ADAMTS9: variants seen among roughly 807,000 people sequenced by gnomAD.
ADAMTS9 encodes ADAM metallopeptidase with thrombospondin type 1 motif 9.
Under a neutral mutation model 257.1 loss-of-function variants are expected in ADAMTS9, and 107 were observed. The ratio of observed to expected loss-of-function variants is 0.42; its 90% CI spans 0.36 to 0.49. ADAMTS9 has a LOEUF of 0.49. Among genes scored for constraint, ADAMTS9 ranks in the 20% least tolerant of loss-of-function variants. ADAMTS9 has a pLI of 0.03. For synonymous variants in ADAMTS9, 982 were observed against 880.9 expected, an observed-to-expected ratio of 1.11 and a Z score of -2.03; for missense variants, 2,353 against 2,469.1, an observed-to-expected ratio of 0.95 and a Z score of 1.00.
At chr3:64,661,299 G>A (rs1328075101) in intron 3 of ADAMTS9, among the ~76,000 whole-genome samples, 1 of 136,846 alleles carries the variant, frequency 7.3e-6, no homozygotes, top group Non-Finnish European at 1.5e-5. Flanking sequence ...ACTGGCATTT[G>A]TATACATATA....
At chr3:64,553,242 A>G (rs182830830) in intron 30 of ADAMTS9, among the ~76,000 whole-genome samples, 48 of 152,222 alleles carry the variant, frequency 3.2e-4, no homozygotes, top group Non-Finnish European at 4.4e-5. Context: ...AGCAAACACC[A>G]GTCTGCTTTC....
intron 16 of ADAMTS9, among the ~76,000 whole-genome samples, chr3:64,629,069 T>C (rs1342729178): frequency 6.6e-6 from 1 of 152,182 alleles, no homozygotes; most frequent in African/African-American, 2.4e-5. Context: ...TCACACACTA[T>C]GTTCAATCCA....
chr3:64,545,012 G>GCTC (rs373650653), intron 32 of ADAMTS9, among the ~76,000 whole-genome samples: 140,217 of 152,028 alleles, frequency 0.92, 65,178 homozygotes, highest in East Asian at 1. Flanking sequence ...ATGAAAAAAT[G>GCTC]CTCATCACTG....
Position 64,561,701 on chromosome 3 carries a change from C to G in ADAMTS9, c.4575G>C (p.Gln1525His). The change falls in exon 30 of 40, where the codon CAG (glutamine) becomes CAC (histidine). Residue 1525 changes from glutamine to histidine, a missense_variant. Coordinates refer to ENST00000498707, the MANE Select transcript of ADAMTS9 (RefSeq NM_182920.2). ...CTCTGGCTATTTTGTGTGTTCCGAT[C>G]TGACAGCCCACATGCCTCTGCTGTA... ...RGVQQRHVGCQIGTHKIARET... is the reference protein window; with the variant it reads ...RGVQQRHVGCHIGTHKIARET... The G allele has an allele frequency of 1.2e-6, 2 of 1,613,662 alleles. No individual in the cohort carries two copies. The highest frequency in any genetic ancestry group is 1.7e-6 in the Non-Finnish European group (2 of 1,179,956).
At position 64,656,918 on chromosome 3, in the gene ADAMTS9, A is replaced by G. The variant is rs186468761; in HGVS notation, c.970-1043T>C. Among the ~76,000 whole-genome samples, 3 of 149,520 alleles carry G rather than the reference A, an allele frequency of 2.0e-5. No individual in the cohort carries two copies. The East Asian group carries it at 6.0e-4, about 30-fold the overall frequency. On this transcript the variant is annotated intron_variant, in intron 4 of 39. Coordinates refer to ENST00000498707, the MANE Select transcript of ADAMTS9 (RefSeq NM_182920.2). ...CTTTTCACATTCATCTGGGGGATTT[A>G]TTAAAAATAAGTTTCAGTTCAGGTA...
At chr3:64,620,528 G>A (rs890925701) in intron 19 of ADAMTS9, among the ~76,000 whole-genome samples, 9 of 152,152 alleles carry the variant, frequency 5.9e-5, no homozygotes, top group African/African-American at 2.2e-4. Flanking sequence ...AGTCAACCTT[G>A]CAGGCAAATA....
intron 26 of ADAMTS9, among the ~76,000 whole-genome samples, chr3:64,601,735 A>T (rs2084465503): frequency 6.6e-6 from 1 of 152,146 alleles, no homozygotes; most frequent in Non-Finnish European, 1.5e-5. Context: ...TTCTCCACCC[A>T]ATCGAGACAG....
At chr3:64,542,009 T>A in intron 32 of ADAMTS9, 39 bp from the exon 33 acceptor site, 8 of 1,612,716 alleles carry the variant, frequency 5.0e-6, no homozygotes, top group Non-Finnish European at 6.8e-6. Context: ...GGCTATGGAA[T>A]GTGGGAGGCA....
chr3:64,533,841 G>A (rs1575987118), intron 37 of ADAMTS9, among the ~76,000 whole-genome samples: 1 of 152,198 alleles, frequency 6.6e-6, no homozygotes, highest in African/African-American at 2.4e-5. Flanking sequence ...TGGGCCTGGA[G>A]GATGCGGCTT....
intron 3 of ADAMTS9, among the ~76,000 whole-genome samples, chr3:64,662,491 C>T (rs948793684): frequency 5.3e-5 from 8 of 152,036 alleles, no homozygotes; most frequent in East Asian, 3.9e-4. Context: ...TTATTGAAAG[C>T]GGGGTGCTGA....
chr3:64,540,080 G>C (rs1206180740), intron 36 of ADAMTS9, among the ~76,000 whole-genome samples: 2 of 152,204 alleles, frequency 1.3e-5, no homozygotes, highest in East Asian at 3.9e-4. Context: ...CTACACTTTG[G>C]TGAGAGGGAA....
intron 3 of ADAMTS9, among the ~76,000 whole-genome samples, chr3:64,674,281 A>AAC (rs1701570266): frequency 6.6e-6 from 1 of 152,194 alleles, no homozygotes; most frequent in Admixed American, 6.5e-5. Context: ...AAAGAGAAAA[A>AAC]AATGTATAAA....
At chr3:64,683,948 A>G (rs1701825043) in intron 2 of ADAMTS9, among the ~76,000 whole-genome samples, 1 of 152,116 alleles carries the variant, frequency 6.6e-6, no homozygotes, top group African/African-American at 2.4e-5. Flanking sequence ...GGGAACTATG[A>G]AAAGGTCTTC....
chr3:64,595,486 C>G (rs1475366843), intron 27 of ADAMTS9, among the ~76,000 whole-genome samples: 3 of 152,230 alleles, frequency 2.0e-5, no homozygotes, highest in African/African-American at 7.2e-5. Flanking sequence ...GACAGCAAAG[C>G]ATCCCAGCAA....
At chr3:64,567,367 C>T (rs550386615) in intron 29 of ADAMTS9, among the ~76,000 whole-genome samples, 2 of 151,992 alleles carry the variant, frequency 1.3e-5, no homozygotes, top group Non-Finnish European at 2.9e-5. Flanking sequence ...ATGGAAGCAC[C>T]GGAAATACAG....
rs1028164318 is a variant in ADAMTS9, at chr3:64,516,751, A to G, written c.*376T>C. 16 of 152,674 alleles carry G rather than the reference A, an allele frequency of 1.0e-4. No homozygotes were observed. The highest frequency in any genetic ancestry group is 3.9e-4 in the African/African-American group (16 of 41,468). The allele number at this position is 152,674 out of a possible 1,614,324, so 9.5% of individuals were successfully genotyped here. A position where few individuals can be genotyped will look rare whatever the true frequency, so the allele number is the denominator to read the frequency against. On this transcript the variant is annotated 3_prime_UTR_variant, in exon 40 of 40. Transcript: ENST00000498707. ...AAAAATTCATTTTAAAAAAGTAACA[A>G]TAAAACATTTACAGATGAAAAGTAA...
chr3:64,536,928 G>T (rs979764615), intron 37 of ADAMTS9, among the ~76,000 whole-genome samples: 11 of 152,148 alleles, frequency 7.2e-5, no homozygotes, highest in Non-Finnish European at 1.3e-4. Context: ...GTAAAAGAAA[G>T]AAATTCTCAA....
chr3:64,651,723 C>T (rs1700936150), intron 8 of ADAMTS9, among the ~76,000 whole-genome samples: 1 of 152,098 alleles, frequency 6.6e-6, no homozygotes, highest in African/African-American at 2.4e-5. Flanking sequence ...CAATAAAACC[C>T]ATGAAAGGTA....
At chr3:64,604,628 T>A (rs1271705084) in intron 23 of ADAMTS9, among the ~76,000 whole-genome samples, 2 of 152,252 alleles carry the variant, frequency 1.3e-5, no homozygotes, top group Non-Finnish European at 2.9e-5. Context: ...TAAAAGGACA[T>A]GTAAGTCATG....
Sources: allele counts gnomAD v4.1 joint callset (sites outside exome capture counted in the v4.1 genomes callset), GRCh38; gene constraint gnomAD v4.1.1; transcripts MANE v1.5; gene names NCBI Gene and HGNC (gene_info 2026-07-23, HGNC 2026-07-21).